Variants in ACSL3 observed in about 807,000 individuals in gnomAD.
The protein encoded by ACSL3 is acyl-CoA synthetase long chain family member 3, also known as fatty acid CoA ligase Acsl3.
Under a neutral mutation model 84.7 loss-of-function variants are expected in ACSL3, and 34 were observed. The ratio of observed to expected loss-of-function variants is 0.40; its 90% CI spans 0.31 to 0.53. The LOEUF is 0.53. Ranked by LOEUF, ACSL3 falls within the 20% of genes least tolerant of loss-of-function variation. ACSL3 has a pLI of 0.48. For missense variants in ACSL3, 680 were observed against 873.1 expected, an observed-to-expected ratio of 0.78 and a Z score of 2.79; for synonymous variants, 315 against 299.4, an observed-to-expected ratio of 1.05 and a Z score of -0.54.
At chr2:222,908,031 C>T (rs1696340698) in intron 3 of ACSL3, among the ~76,000 whole-genome samples, 2 of 152,292 alleles carry the variant, frequency 1.3e-5, no homozygotes, top group East Asian at 3.9e-4. Flanking sequence ...GTCTACCTCT[C>T]CCAGTGAACG....
At chr2:222,866,224 T>C (rs534173802) in intron 1 of ACSL3, among the ~76,000 whole-genome samples, 6 of 152,160 alleles carry the variant, frequency 3.9e-5, no homozygotes, top group South Asian at 2.1e-4. Context: ...CGGCTCACTG[T>C]AAGCTCCGCT....
At chr2:222,916,143 A>AT (rs1696575374) in intron 4 of ACSL3, among the ~76,000 whole-genome samples, 176 bp from the exon 5 acceptor site, 1 of 152,184 alleles carries the variant, frequency 6.6e-6, no homozygotes, top group Admixed American at 6.5e-5. Flanking sequence ...ATGTCACAAA[A>AT]TAGCTAATTT....
At chr2:222,918,235 C>A in intron 6 of ACSL3, 80 bp downstream of exon 6, 1 of 783,282 alleles carries the variant, frequency 1.3e-6, no homozygotes, top group Non-Finnish European at 2.0e-6. Flanking sequence ...ATACTTAGTT[C>A]TTTTATGACT....
At chr2:222,921,484 G>A (rs1696737560) in intron 8 of ACSL3, 54 bp downstream of exon 8, 2 of 1,467,702 alleles carry the variant, frequency 1.4e-6, no homozygotes, top group South Asian at 1.5e-5. Flanking sequence ...CTGTTATAAT[G>A]TTAGCATTTG....
chr2:222,877,044 A>T (rs1264104757), intron 1 of ACSL3, among the ~76,000 whole-genome samples: 3 of 152,218 alleles, frequency 2.0e-5, no homozygotes, highest in Non-Finnish European at 4.4e-5. Context: ...CATACCAAGC[A>T]TAAAGGCATG....
At chr2:222,929,983 A>G (rs894039272) in intron 13 of ACSL3, among the ~76,000 whole-genome samples, 2 of 133,096 alleles carry the variant, frequency 1.5e-5, no homozygotes, top group Non-Finnish European at 3.1e-5. Flanking sequence ...GCTGGAGTGC[A>G]GTGTCAATGG....
At chr2:222,876,796 T>G (rs1175493029) in intron 1 of ACSL3, among the ~76,000 whole-genome samples, 1 of 151,196 alleles carries the variant, frequency 6.6e-6, no homozygotes, top group East Asian at 1.9e-4. Context: ...CAGTCTGTTG[T>G]GGGGAGACAG....
intron 4 of ACSL3, among the ~76,000 whole-genome samples, chr2:222,916,008 G>C (rs1031048175): frequency 2.0e-5 from 3 of 152,118 alleles, no homozygotes; most frequent in Admixed American, 6.5e-5. Flanking sequence ...TAGATTATTA[G>C]TGTATGACCA....
rs975715637 is a variant in ACSL3 at position 222,944,351 on chromosome 2, G to A, written c.*2697G>A. On this transcript the variant is annotated 3_prime_UTR_variant, in exon 17 of 17. Coordinates refer to ENST00000357430, the MANE Select transcript of ACSL3 (RefSeq NM_004457.5). ...GAAAAAACTTTTAAAAATCTCTGAT[G>A]TGTGGGCTCTTTTTTTCCCATAAGA... 6.6e-6 allele frequency: 1 copy of A among 152,138 alleles called. No homozygotes were observed. Among genetic ancestry groups the A allele is most frequent in the Non-Finnish European group, 1.5e-5 (1 of 67,992 alleles). The allele number at this position is 152,138 out of a possible 1,614,324, so 9.4% of individuals were successfully genotyped here.
At position 222,923,115 on chromosome 2, in the gene ACSL3, C is replaced by T. The variant is rs1006829142; in HGVS notation, c.1118C>T (p.Ser373Phe). The T allele has an allele frequency of 5.6e-6, 9 of 1,613,898 alleles. No individual in the cohort carries two copies. Among genetic ancestry groups the T allele is most frequent in the Admixed American group, 1.7e-5 (1 of 60,020 alleles). ...KIKKGSKGDT[S>F]MLKPTLMAAV... ...AAAAAAGGAAGCAAAGGGGATACAT[C>T]CATGTTGAAACCAACACTGATGGCA... Residue 373 changes from serine (S) to phenylalanine (F), a missense_variant, in exon 10 of 17, where the codon TCC (serine) becomes TTC (phenylalanine). This residue lies in a region of ACSL3 where 347 missense variants were observed against 525.7 expected (regional missense o/e 0.66). Coordinates refer to ENST00000357430, the MANE Select transcript of ACSL3 (RefSeq NM_004457.5).
chr2:222,902,257 A>G (rs775939132), intron 3 of ACSL3, among the ~76,000 whole-genome samples: 5 of 152,190 alleles, frequency 3.3e-5, no homozygotes, highest in Non-Finnish European at 7.3e-5. Flanking sequence ...TATTAATTAC[A>G]TAAAGACATT....
At chr2:222,932,224 T>G (rs973763513) in intron 14 of ACSL3, among the ~76,000 whole-genome samples, 1 of 152,240 alleles carries the variant, frequency 6.6e-6, no homozygotes. Flanking sequence ...GCATTGAATA[T>G]CTTCTTCACC....
intron 3 of ACSL3, among the ~76,000 whole-genome samples, chr2:222,902,441 C>CA (rs1474677703): frequency 1.2e-4 from 19 of 152,278 alleles, no homozygotes; most frequent in Admixed American, 1.2e-3. Flanking sequence ...AATTCAAATC[C>CA]TTCAATAAAA....
chr2:222,917,615 T>C (rs1443124117), intron 5 of ACSL3: 2 of 152,868 alleles, frequency 1.3e-5, no homozygotes, highest in East Asian at 3.8e-4. Context: ...TAAACGGTAC[T>C]GCCACTTGTT....
At chr2:222,892,986 A>G (rs1377954644) in intron 2 of ACSL3, among the ~76,000 whole-genome samples, 1 of 152,218 alleles carries the variant, frequency 6.6e-6, no homozygotes, top group African/African-American at 2.4e-5. Flanking sequence ...CAAGCCACTC[A>G]TTTATACTTC....
At chr2:222,884,299 C>A (rs1438740900) in intron 1 of ACSL3, among the ~76,000 whole-genome samples, 2 of 152,102 alleles carry the variant, frequency 1.3e-5, no homozygotes, top group African/African-American at 4.8e-5. Context: ...ATGTTTCAAC[C>A]ACTTAGGGCA....
chr2:222,898,128 T>G (rs1696034049), intron 2 of ACSL3, among the ~76,000 whole-genome samples: 1 of 152,214 alleles, frequency 6.6e-6, no homozygotes, highest in Admixed American at 6.5e-5. Context: ...ATTTCCTCTT[T>G]TTTGGCTTCC....
Position 222,933,026 on chromosome 2 carries a change from C to T in ACSL3, c.1733-140C>T, listed in dbSNP as rs541891494. The T allele has an allele frequency of 1.2e-3, 631 of 537,616 alleles. 1 individual carries two copies. Among genetic ancestry groups the T allele is most frequent in the Non-Finnish European group, 1.6e-3 (500 of 304,394 alleles). The allele number at this position is 537,616 out of a possible 1,614,324, so 33.3% of individuals were successfully genotyped here. A position where few individuals can be genotyped will look rare whatever the true frequency, so the allele number is the denominator to read the frequency against. ...ATATGTGCTTTTAATTTCAGCATAA[C>T]CATTAATGCTTAATTTTGCAAAGTT... On this transcript the variant is annotated intron_variant, in intron 14 of 16. Transcript: ENST00000357430.
At chr2:222,900,435 ATG>A (rs1696109687) in intron 2 of ACSL3, among the ~76,000 whole-genome samples, 1 of 152,128 alleles carries the variant, frequency 6.6e-6, no homozygotes, top group Non-Finnish European at 1.5e-5. Context: ...TGGCTCCAAA[ATG>A]TGTGCCTCTA....
Sources: allele counts gnomAD v4.1 joint callset (sites outside exome capture counted in the v4.1 genomes callset), GRCh38; gene constraint gnomAD v4.1.1; regional missense constraint gnomAD v4.1.1; transcripts MANE v1.5; gene names NCBI Gene and HGNC (gene_info 2026-07-23, HGNC 2026-07-21).